The following BRCA2 variants were observed in gnomAD, a reference collection of about 807,000 sequenced individuals.
BRCA2 encodes the protein BRCA2 DNA repair associated.
A neutral mutation model predicts 276.7 loss-of-function variants in BRCA2; 203 were observed. The observed-to-expected ratio is 0.73, with a 90% confidence interval of 0.65 to 0.82. The LOEUF (loss-of-function observed/expected upper bound fraction) is 0.82, where lower values mean the gene tolerates loss of function less well. Among genes scored for constraint, BRCA2 ranks in the 40% least tolerant of loss-of-function variants. The probability of loss-of-function intolerance (pLI) is 0.00; values close to 1 mark genes in which losing one functional copy is unlikely to be tolerated. For missense variants in BRCA2, 3,920 were observed against 3,915.0 expected (o/e 1.00, Z -0.03); for synonymous variants, 1,289 against 1,338.4 (o/e 0.96, Z 0.81).
At position 32,379,436 on chromosome 13, in the gene BRCA2, G is replaced by A. The variant is rs786201681; in HGVS notation, c.8874G>A (p.Lys2958=). Residue 2958 remains lysine (K), a synonymous_variant, in exon 22 of 27, where the codon AAG becomes AAA. Coordinates refer to ENST00000380152, the MANE Select transcript of BRCA2 (RefSeq NM_000059.4). ...AGGCCATGGAATCTGCTGAACAAAA[G>A]GAACAAGGTTTATCAAGGGATGTCA... ...IRKAMESAEQ[K]EQGLSRDVTT... 6.2e-7 allele frequency: 1 copy of A among 1,613,510 alleles called. No individual in the cohort carries two copies. Among genetic ancestry groups the A allele is most frequent in the Non-Finnish European group, 8.5e-7 (1 of 1,179,786 alleles).
chr13:32,319,282 C>T lies in BRCA2; in HGVS notation c.273C>T (p.Tyr91=), dbSNP rs145988146. The part of the protein sequence containing the change: ...FKEQGLTLPL[Y]QSPVKELDKF... Reference sequence around the variant, plus strand: ...AGCAAGGGCTGACTCTGCCGCTGTACCAATCTCCTGTAAAAGAATTAGATA... The same window carrying T: ...AGCAAGGGCTGACTCTGCCGCTGTATCAATCTCCTGTAAAAGAATTAGATA... The change falls in exon 3 of 27, where the codon TAC becomes TAT. Residue 91 remains tyrosine, a synonymous_variant. Transcript: ENST00000380152. 8 of 1,613,690 alleles carry T rather than the reference C, an allele frequency of 5.0e-6. No homozygotes were observed. The African/African-American group carries it at 1.1e-4, about 22-fold the overall frequency.
Position 32,399,123 on chromosome 13 carries a change from A to T in BRCA2, c.*353A>T. 4.0e-6 allele frequency: 1 copy of T among 251,704 alleles called. No homozygotes were observed. The highest frequency in any genetic ancestry group is 7.6e-6 in the Non-Finnish European group (1 of 131,106). The allele number at this position is 251,704 out of a possible 1,614,324, so 15.6% of individuals were successfully genotyped here. ...CAAGACCAGCCTGGGCAACATAGGG[A>T]GACCCCCATCTTTACAAAGAAAAAA... On this transcript the variant is annotated 3_prime_UTR_variant, in exon 27 of 27. Transcript: ENST00000380152.
In BRCA2 at chr13:32,398,915, C is replaced by A; in HGVS notation, c.*145C>A. On this transcript the variant is annotated 3_prime_UTR_variant, in exon 27 of 27. Transcript: ENST00000380152. ...CAAATTTACCTCAGCGTTTGTGTAT[C>A]GGGCAAAAATCGTTTTGCCCGATTC... 9.0e-7 allele frequency: 1 copy of A among 1,116,906 alleles called. No homozygotes were observed. Among genetic ancestry groups the A allele is most frequent in the Non-Finnish European group, 1.2e-6 (1 of 814,840 alleles). 69.2% of individuals were successfully genotyped at this position (1,116,906 alleles called of 1,614,324 possible).
At chr13:32,358,578 G>A (rs2072717351) in intron 16 of BRCA2, among the ~76,000 whole-genome samples, 1 of 152,018 alleles carries the variant, frequency 6.6e-6, no homozygotes, top group African/African-American at 2.4e-5. Flanking sequence ...GATCTCTTGA[G>A]CACAGGAGTT....
In BRCA2 at chr13:32,340,142, T is replaced by C. The variant is rs765881070; in HGVS notation, c.5787T>C (p.Ile1929=). The change falls in exon 11 of 27, where the codon ATT becomes ATC. Residue 1929 remains isoleucine (I), a synonymous_variant. Transcript: ENST00000380152. ...TTGCTGACATTCAGAGTGAAGAAAT[T>C]TTACAACATAACCAAAATATGTCTG... ...KVFADIQSEE[I]LQHNQNMSGL... 2.5e-6 allele frequency: 4 copies of C among 1,613,202 alleles called. No homozygotes were observed. Among genetic ancestry groups the C allele is most frequent in the Non-Finnish European group, 3.4e-6 (4 of 1,179,540 alleles).
intron 24 of BRCA2, among the ~76,000 whole-genome samples, chr13:32,382,232 A>G (rs1593194552): frequency 6.6e-6 from 1 of 152,184 alleles, no homozygotes; most frequent in African/African-American, 2.4e-5. Flanking sequence ...GATTACAGGC[A>G]TGAGCCACTG....
chr13:32,326,373 A>C, intron 6 of BRCA2, 91 bp downstream of exon 6: 1 of 1,496,588 alleles, frequency 6.7e-7, no homozygotes, highest in Non-Finnish European at 9.3e-7. Flanking sequence ...ACAAATCTGT[A>C]CCTAGCATTC....
At position 32,379,219 on chromosome 13, in the gene BRCA2, A is replaced by G. The variant is rs1377795383; in HGVS notation, c.8755-98A>G. 10 of 1,138,496 alleles carry G rather than the reference A, an allele frequency of 8.8e-6. 1 individual carries two copies. In the Admixed American group the frequency reaches 1.8e-4, roughly 20 times the overall value. The allele number at this position is 1,138,496 out of a possible 1,614,324, so 70.5% of individuals were successfully genotyped here. A position where few individuals can be genotyped will look rare whatever the true frequency, so the allele number is the denominator to read the frequency against. Reference sequence around the variant, plus strand: ...AACCACACCCTTAAGATGAGCTCTAATTTTGTTGTATTTGTCCTGTTTAAA... The same window carrying G: ...AACCACACCCTTAAGATGAGCTCTAGTTTTGTTGTATTTGTCCTGTTTAAA... On this transcript the variant is annotated intron_variant, in intron 21 of 26. Transcript: ENST00000380152.
At position 32,338,608 on chromosome 13, in the gene BRCA2, T is replaced by C. The variant is rs754119978; in HGVS notation, c.4253T>C (p.Ile1418Thr). The C allele has an allele frequency of 6.3e-7, 1 of 1,596,782 alleles. No individual in the cohort carries two copies. The highest frequency in any genetic ancestry group is 1.7e-5 in the Admixed American group (1 of 58,468). ...QLTATKTEQN[I>T]KDFETSDTFF... is the part of the protein sequence containing the mutation. ...ACTGCTACTAAAACGGAGCAAAATA[T>C]AAAAGATTTTGAGACTTCTGATACA... Residue 1418 changes from isoleucine to threonine, a missense_variant, in exon 11 of 27, where the codon ATA becomes ACA. Ile to Thr is a moderately conservative substitution (Grantham distance 89). This residue lies in a region of BRCA2 where 3,263 missense variants were observed against 3,156.9 expected (regional missense o/e 1.03). Transcript: ENST00000380152.
Position 32,380,060 on chromosome 13 carries a change from C to G in BRCA2, c.9171C>G (p.Phe3057Leu), listed in dbSNP as rs747615055. The G allele has an allele frequency of 6.2e-7, 1 of 1,614,082 alleles. No homozygotes were observed. The highest frequency in any genetic ancestry group is 8.5e-7 in the Non-Finnish European group (1 of 1,180,006). The change falls in exon 24 of 27, where the codon TTC becomes TTG. Residue 3057 changes from phenylalanine (F) to leucine (L), a missense_variant. Physicochemically the swap from Phe to Leu is conservative, Grantham distance 22. This residue lies in a region of BRCA2 where 657 missense variants were observed against 758.2 expected (regional missense o/e 0.87). Transcript: ENST00000380152. The part of the protein sequence containing the change: ...QIYQPREPLH[F>L]SKFLDPDFQP... The stretch of plus-strand genomic sequence containing the variant: ...ACCAGCCACGGGAGCCCCTTCACTT[C>G]AGCAAATTTTTAGATCCAGACTTTC...
chr13:32,321,262 C>T (rs906001893), intron 3 of BRCA2, among the ~76,000 whole-genome samples: 1 of 152,160 alleles, frequency 6.6e-6, no homozygotes, highest in African/African-American at 2.4e-5. Context: ...GTCTGGCAAC[C>T]TGCTCGGCAT....
Position 32,337,278 on chromosome 13 carries a change from A to G in BRCA2, c.2923A>G (p.Ile975Val), listed in dbSNP as rs757213764. Residue 975 changes from isoleucine to valine, a missense_variant, in exon 11 of 27, where the codon ATC becomes GTC. Ile to Val is a conservative substitution (Grantham distance 29, BLOSUM62 3). Coordinates refer to ENST00000380152, the MANE Select transcript of BRCA2 (RefSeq NM_000059.4). ...TCTAGGTCAAGATTTAAAATCGGAC[A>G]TCTCCTTGAATATAGATAAAATACC... ...MTLGQDLKSD[I>V]SLNIDKIPEK... 1.9e-6 allele frequency: 3 copies of G among 1,612,054 alleles called. No individual in the cohort carries two copies. The highest frequency in any genetic ancestry group is 2.5e-6 in the Non-Finnish European group (3 of 1,179,384).
chr13:32,339,557 A>T lies in BRCA2; in HGVS notation c.5202A>T (p.Glu1734Asp). 1 of 1,608,138 alleles carries T rather than the reference A, an allele frequency of 6.2e-7. No individual in the cohort carries two copies. The highest frequency in any genetic ancestry group is 8.5e-7 in the Non-Finnish European group (1 of 1,176,678). Residue 1734 changes from glutamate to aspartate, a missense_variant, in exon 11 of 27, where the codon GAA becomes GAT. Physicochemically the swap from Glu to Asp is conservative, Grantham distance 45. Around this residue, in one of 2 missense-constraint regions of BRCA2, gnomAD observed 3,263 missense variants for 3,156.9 expected, o/e 1.03. Transcript: ENST00000380152. ...AAAATGACAAAAATCATCTCTCCGAAAAACAAGATACTTATTTAAGTAACA... is the reference window on the plus strand; with the variant it reads ...AAAATGACAAAAATCATCTCTCCGATAAACAAGATACTTATTTAAGTAACA... ...IAENDKNHLS[E>D]KQDTYLSNSS...
At chr13:32,381,137 G>C (rs2137628013) in intron 24 of BRCA2, among the ~76,000 whole-genome samples, 1 of 152,130 alleles carries the variant, frequency 6.6e-6, no homozygotes, top group East Asian at 1.9e-4. Context: ...ACATTTTATT[G>C]TTATTATAGA....
rs397507299 is a variant in BRCA2 at position 32,337,339 on chromosome 13, G to A, written c.2984G>A (p.Gly995Glu). The change falls in exon 11 of 27, where the codon GGA becomes GAA. Residue 995 changes from glycine (G) to glutamate (E), a missense_variant. Gly to Glu is a moderately conservative substitution (Grantham distance 98). This residue lies in a region of BRCA2 where 3,263 missense variants were observed against 3,156.9 expected (regional missense o/e 1.03). Coordinates refer to ENST00000380152, the MANE Select transcript of BRCA2 (RefSeq NM_000059.4). Reference sequence around the variant, plus strand: ...AATGATTACATGAACAAATGGGCAGGACTCTTAGGTCCAATTTCAAATCAC... The same window carrying A: ...AATGATTACATGAACAAATGGGCAGAACTCTTAGGTCCAATTTCAAATCAC... ...KNNDYMNKWA[G>E]LLGPISNHSF... is the part of the protein sequence containing the mutation. The A allele has an allele frequency of 1.2e-6, 2 of 1,613,594 alleles. No homozygotes were observed. Among genetic ancestry groups the A allele is most frequent in the East Asian group, 2.2e-5 (1 of 44,828 alleles).
intron 24 of BRCA2, among the ~76,000 whole-genome samples, chr13:32,388,894 A>G (rs1159984525): frequency 6.6e-6 from 1 of 152,194 alleles, no homozygotes; most frequent in South Asian, 2.1e-4. Flanking sequence ...ATCACTTACA[A>G]TGAAGGTAAT....
In BRCA2 at chr13:32,355,290, T is replaced by A. The variant is rs1434072252; in HGVS notation, c.7435+2T>A. On this transcript the variant is annotated splice_donor_variant, in intron 14 of 26. Transcript: ENST00000380152. LOFTEE classifies it high-confidence loss of function. ...CAAAGTGTGAAGAAGAACCTTTAGGTATTGTATGACAATTTGTGTGATGAA... is the reference window on the plus strand; with the variant it reads ...CAAAGTGTGAAGAAGAACCTTTAGGAATTGTATGACAATTTGTGTGATGAA... 6.2e-7 allele frequency: 1 copy of A among 1,613,686 alleles called. No individual in the cohort carries two copies. Among genetic ancestry groups the A allele is most frequent in the Non-Finnish European group, 8.5e-7 (1 of 1,179,796 alleles).
intron 3 of BRCA2, among the ~76,000 whole-genome samples, chr13:32,323,082 T>G (rs1246730041): frequency 3.3e-5 from 5 of 152,170 alleles, no homozygotes; most frequent in Admixed American, 6.5e-5. Context: ...CAGCATTTGG[T>G]GTGTCAGTGT....
At chr13:32,360,485 G>A (rs889295434) in intron 16 of BRCA2, among the ~76,000 whole-genome samples, 8 of 152,008 alleles carry the variant, frequency 5.3e-5, no homozygotes, top group South Asian at 2.1e-4. Flanking sequence ...TCAGCCTCCC[G>A]TGTAGCTGGG....
Sources: allele counts gnomAD v4.1 joint callset (sites outside exome capture counted in the v4.1 genomes callset), GRCh38; gene constraint gnomAD v4.1.1; regional missense constraint gnomAD v4.1.1; transcripts MANE v1.5; gene names NCBI Gene and HGNC (gene_info 2026-07-23, HGNC 2026-07-21).